The following SI variants were observed in gnomAD, a reference collection of about 807,000 sequenced individuals.
SI encodes sucrase-isomaltase, also known as sucrase-isomaltase, intestinal.
Under a neutral mutation model 253.3 loss-of-function variants are expected in SI, and 235 were observed. That is an observed-to-expected ratio of 0.93 (90% CI 0.83 to 1.03). The LOEUF (loss-of-function observed/expected upper bound fraction) is 1.03. Ranked by LOEUF, SI falls within the 50% of genes least tolerant of loss-of-function variation. The pLI is 0.00. For missense variants in SI, 2,442 were observed against 2,211.1 expected, an observed-to-expected ratio of 1.10 and a Z score of -2.09; for synonymous variants, 819 against 712.0, an observed-to-expected ratio of 1.15 and a Z score of -2.39.
chr3:165,002,978 T>C (rs1718325654), intron 37 of SI, among the ~76,000 whole-genome samples: 2 of 151,820 alleles, frequency 1.3e-5, no homozygotes, highest in Non-Finnish European at 3.0e-5. Context: ...TGGAAGATTG[T>C]GCTGATTTCC....
intron 12 of SI, among the ~76,000 whole-genome samples, chr3:165,058,613 T>A (rs1713817937): frequency 1.3e-5 from 2 of 151,654 alleles, no homozygotes. Flanking sequence ...AACACAGAAA[T>A]GTAAATAATT....
chr3:165,007,425 T>C (rs1435479349), intron 36 of SI, among the ~76,000 whole-genome samples: 1 of 152,110 alleles, frequency 6.6e-6, no homozygotes, highest in Non-Finnish European at 1.5e-5. Context: ...AAACATCACA[T>C]TCATCTTCAT....
intron 31 of SI, among the ~76,000 whole-genome samples, 166 bp downstream of exon 31, chr3:165,017,380 AGT>A (rs558105791): frequency 2.6e-4 from 39 of 152,120 alleles, no homozygotes; most frequent in South Asian, 4.1e-4. Flanking sequence ...CTCCTTTATC[AGT>A]CTGACAAAGA....
At chr3:165,089,786 C>G in the SI span, among the ~76,000 whole-genome samples, 3 of 151,918 alleles carry the variant, frequency 2.0e-5, no homozygotes, top group Non-Finnish European at 4.4e-5. Flanking sequence ...TGCTTGAGTT[C>G]CTCCCTGTCT....
At chr3:165,015,371 A>T in intron 32 of SI, 138 bp from the exon 33 acceptor site, 1 of 692,296 alleles carries the variant, frequency 1.4e-6, no homozygotes, top group Non-Finnish European at 2.6e-6. Flanking sequence ...TGATACAAAC[A>T]TCAGTGTTCT....
At chr3:165,009,633 C>A (rs1197664990) in intron 34 of SI, among the ~76,000 whole-genome samples, 2 of 152,082 alleles carry the variant, frequency 1.3e-5, no homozygotes, top group African/African-American at 4.8e-5. Flanking sequence ...TATAAAGGAA[C>A]AGTTCACAAC....
At chr3:165,083,817 G>C in the SI span, among the ~76,000 whole-genome samples, 2 of 152,060 alleles carry the variant, frequency 1.3e-5, no homozygotes, top group South Asian at 4.1e-4. Context: ...GAATAAACAT[G>C]TAAGACTAAG....
Position 165,049,130 on chromosome 3 carries a change from T to C in SI, c.1712A>G (p.Glu571Gly), listed in dbSNP as rs754623301. The change falls in exon 15 of 48, where the codon GAG becomes GGG. Residue 571 changes from glutamate to glycine, a missense_variant. Physicochemically the swap from Glu to Gly is moderately conservative, Grantham distance 98. Coordinates refer to ENST00000264382, the MANE Select transcript of SI (RefSeq NM_001041.4). Reference protein sequence around the residue: ...LYGYSMAIATEQAVQKVFPNK... With the variant: ...LYGYSMAIATGQAVQKVFPNK... ...CTTTGAATGAAATTGCACTTACTGC[T>C]CTGTGGCTATAGCCATGCTGTATCC... 8 of 1,524,708 alleles carry C rather than the reference T, an allele frequency of 5.2e-6. No individual in the cohort carries two copies. The highest frequency in any genetic ancestry group is 2.7e-5 in the African/African-American group (2 of 73,190). The allele number at this position is 1,524,708 out of a possible 1,614,324, so 94.4% of individuals were successfully genotyped here.
At chr3:164,999,328 G>GA (rs908215733) in intron 37 of SI, among the ~76,000 whole-genome samples, 5 of 151,004 alleles carry the variant, frequency 3.3e-5, no homozygotes, top group South Asian at 4.2e-4. Flanking sequence ...TCTAGTTTTA[G>GA]AAAAAAAATA....
chr3:165,076,184 T>A (rs1159300626), intron 1 of SI, among the ~76,000 whole-genome samples, 172 bp from the exon 2 acceptor site: 1 of 151,884 alleles, frequency 6.6e-6, no homozygotes, highest in African/African-American at 2.4e-5. Flanking sequence ...ATATTAAGCA[T>A]GTACTTAATA....
chr3:164,994,234 G>C, intron 41 of SI, 23 bp downstream of exon 41: 1 of 1,604,746 alleles, frequency 6.2e-7, no homozygotes, highest in South Asian at 1.1e-5. Context: ...TCTGTGATAA[G>C]AGAAAACAAA....
intron 17 of SI, among the ~76,000 whole-genome samples, chr3:165,041,490 G>A (rs914125327): frequency 6.6e-6 from 1 of 152,000 alleles, no homozygotes; most frequent in African/African-American, 2.4e-5. Context: ...GCTCAGTCAT[G>A]CAAACTACTC....
intron 1 of SI, among the ~76,000 whole-genome samples, chr3:165,077,471 G>T (rs147513497): frequency 1.1e-4 from 16 of 151,778 alleles, no homozygotes; most frequent in African/African-American, 3.6e-4. Flanking sequence ...TAATTTTTTA[G>T]TATAGCTTAT....
the SI span, among the ~76,000 whole-genome samples, chr3:165,084,361 G>A: frequency 6.6e-6 from 1 of 152,012 alleles, no homozygotes. Context: ...TAAGATAGAT[G>A]GAGAAGAGCT....
chr3:165,047,371 C>G (rs551198138), intron 15 of SI, among the ~76,000 whole-genome samples: 5 of 152,026 alleles, frequency 3.3e-5, no homozygotes, highest in South Asian at 2.1e-4. Context: ...ATTGTGAGGC[C>G]CCCCCAGCCA....
chr3:165,054,807 A>G (rs1713613199), intron 13 of SI, among the ~76,000 whole-genome samples: 1 of 152,174 alleles, frequency 6.6e-6, no homozygotes, highest in Admixed American at 6.6e-5. Context: ...TATTCAGATC[A>G]TATTGCTGCT....
intron 17 of SI, among the ~76,000 whole-genome samples, chr3:165,041,653 T>C (rs948934224): frequency 6.6e-6 from 1 of 152,112 alleles, no homozygotes; most frequent in Non-Finnish European, 1.5e-5. Context: ...CTGGACAGCC[T>C]GTAGACTTAC....
chr3:165,042,900 A>G lies in SI; in HGVS notation c.2004+159T>C, dbSNP rs575110290. ...CGTTTTTTAAAAAATGTAAAAATAT[A>G]CAAAATATGTATAGGACTTGAGAGA... On this transcript the variant is annotated intron_variant, in intron 17 of 47. Coordinates refer to ENST00000264382, the MANE Select transcript of SI (RefSeq NM_001041.4). 3.2e-4 allele frequency among the ~76,000 whole-genome samples: 48 copies of G among 152,220 alleles called. 1 individual carries two copies. Among genetic ancestry groups the G allele is most frequent in the Admixed American group, 2.7e-3 (41 of 15,248 alleles).
intron 9 of SI, among the ~76,000 whole-genome samples, chr3:165,061,719 T>C (rs1713993935): frequency 6.6e-6 from 1 of 151,996 alleles, no homozygotes; most frequent in African/African-American, 2.4e-5. Flanking sequence ...AAGAGAGAAA[T>C]TACATGAAAG....
Sources: gnomAD v4.1 joint callset for allele counts (sites outside exome capture counted in the v4.1 genomes callset) on GRCh38, gnomAD v4.1.1 for gene constraint, MANE v1.5 for transcripts, NCBI Gene and HGNC (gene_info 2026-07-23, HGNC 2026-07-21) for gene names.